The following PCDH15 variants were observed in gnomAD, a reference collection of about 807,000 sequenced individuals.
PCDH15 encodes protocadherin related 15, also known as protocadherin-15.
PCDH15 carries 129 observed loss-of-function variants against 178.5 expected under a neutral mutation model. The ratio of observed to expected loss-of-function variants is 0.72; its 90% CI spans 0.63 to 0.84. The LOEUF (loss-of-function observed/expected upper bound fraction) is 0.84. PCDH15 is among the 40% of genes least tolerant of loss of function. The pLI is 0.00. For synonymous variants in PCDH15, 800 were observed against 732.0 expected (o/e 1.09, Z -1.50); for missense variants, 2,230 against 2,099.9 (o/e 1.06, Z -1.21).
intron 2 of PCDH15, among the ~76,000 whole-genome samples, chr10:54,540,999 G>A (rs181514906): frequency 6.6e-6 from 1 of 151,984 alleles, no homozygotes; most frequent in South Asian, 2.1e-4. Context: ...TGTATCAAGG[G>A]AACATATCTC....
intron 1 of PCDH15, among the ~76,000 whole-genome samples, chr10:55,314,014 A>G (rs1466727899): frequency 6.6e-6 from 1 of 151,950 alleles, no homozygotes; most frequent in Non-Finnish European, 1.5e-5. Flanking sequence ...AGGGTAAAGC[A>G]AATTTAGGCT....
At chr10:54,737,433 G>A (rs758147449) in intron 1 of PCDH15, among the ~76,000 whole-genome samples, 4 of 152,128 alleles carry the variant, frequency 2.6e-5, no homozygotes, top group Non-Finnish European at 5.9e-5. Context: ...GGAAAGGTAA[G>A]AGTGAATGCT....
intron 3 of PCDH15, among the ~76,000 whole-genome samples, chr10:54,401,700 T>C (rs542904193): frequency 6.6e-6 from 1 of 152,034 alleles, no homozygotes; most frequent in East Asian, 1.9e-4. Flanking sequence ...TAAAATCTCC[T>C]CATGTAATGT....
intron 3 of PCDH15, among the ~76,000 whole-genome samples, chr10:54,515,352 T>C (rs1295919686): frequency 6.6e-6 from 1 of 152,200 alleles, no homozygotes; most frequent in Admixed American, 6.5e-5. Context: ...CGGAGGGTCC[T>C]ATGCCCATGG....
At chr10:55,170,575 G>A (rs1036315543) in intron 1 of PCDH15, among the ~76,000 whole-genome samples, 2 of 152,034 alleles carry the variant, frequency 1.3e-5, no homozygotes, top group Admixed American at 1.3e-4. Flanking sequence ...ATATGTACAG[G>A]GCACACTGGT....
At chr10:54,195,305 A>T (rs1265841192) in intron 11 of PCDH15, among the ~76,000 whole-genome samples, 1 of 152,176 alleles carries the variant, frequency 6.6e-6, no homozygotes, top group East Asian at 1.9e-4. Context: ...AGTCTCTGAG[A>T]ATCACAATCT....
chr10:54,863,037 C>T (rs1241190625), intron 3 of PCDH15, among the ~76,000 whole-genome samples: 2 of 152,096 alleles, frequency 1.3e-5, no homozygotes, highest in Non-Finnish European at 2.9e-5. Context: ...TATTTATTTT[C>T]TAACATCCCA....
chr10:54,801,359 G>A (rs1952639031), upstream of PCDH15: 1 of 152,208 alleles, frequency 6.6e-6, no homozygotes, highest in African/African-American at 2.4e-5. Context: ...GGAGACAGCT[G>A]AGTGCGCTAA....
In PCDH15 at chr10:54,599,012, G is replaced by A. The variant is rs144957397; in HGVS notation, c.91+65160C>T. 6.6e-5 allele frequency among the ~76,000 whole-genome samples: 10 copies of A among 152,122 alleles called. No individual in the cohort carries two copies. In the East Asian group the frequency reaches 1.7e-3, roughly 26 times the overall value. ...ATTTAAAAAAAAATTCTATGCTCATGGATAGGAAGATTCAATATGGTTAAA... is the reference window on the plus strand; with the variant it reads ...ATTTAAAAAAAAATTCTATGCTCATAGATAGGAAGATTCAATATGGTTAAA... On this transcript the variant is annotated intron_variant, in intron 2 of 37. Coordinates refer to ENST00000644397, the MANE Select transcript of PCDH15 (RefSeq NM_001384140.1).
chr10:54,806,628 C>T (rs1952782471), intron 3 of PCDH15, among the ~76,000 whole-genome samples: 4 of 151,628 alleles, frequency 2.6e-5, no homozygotes, highest in East Asian at 2.0e-4. Context: ...GGATTACAGG[C>T]ACCCGCCACT....
intron 2 of PCDH15, chr10:55,599,748 C>G: frequency 2.4e-6 from 1 of 413,426 alleles, no homozygotes; most frequent in Non-Finnish European, 4.3e-6. Flanking sequence ...GAACTCGGCA[C>G]ATTTCACCCC....
chr10:54,929,745 T>G (rs1837722063), intron 2 of PCDH15, among the ~76,000 whole-genome samples: 1 of 152,144 alleles, frequency 6.6e-6, no homozygotes, highest in East Asian at 1.9e-4. Flanking sequence ...GAAAATGTGT[T>G]GTCAGTGAAT....
At chr10:53,958,973 C>T (rs149905432) in intron 23 of PCDH15, among the ~76,000 whole-genome samples, 1,554 of 91,146 alleles carry the variant, frequency 0.017, 41 homozygotes, top group African/African-American at 0.066. Context: ...AGCAAGACTC[C>T]ATCTCAAAAA....
intron 2 of PCDH15, among the ~76,000 whole-genome samples, chr10:55,140,012 G>T (rs114755266): frequency 0.017 from 2,579 of 151,904 alleles, 76 homozygotes; most frequent in African/African-American, 0.059. Flanking sequence ...CCTAAGAAAA[G>T]AATTTTCTTA....
chr10:54,958,031 G>A (rs1838535556), intron 2 of PCDH15, among the ~76,000 whole-genome samples: 2 of 151,714 alleles, frequency 1.3e-5, no homozygotes, highest in Admixed American at 6.6e-5. Context: ...ATCTACATTA[G>A]CAAACTTTGC....
rs555703644 is a variant in PCDH15 at position 53,956,309 on chromosome 10, A to G, written c.3122+3423T>C. On this transcript the variant is annotated intron_variant, in intron 23 of 37. Transcript: ENST00000644397. ...TGTAATCCAGCTATATGCCCGTGAG[A>G]AAAAGGATTTAGGAGGCATCCAGAT... Among the ~76,000 whole-genome samples the G allele has an allele frequency of 2.4e-4, 36 of 152,142 alleles. 1 individual carries two copies. The highest frequency in any genetic ancestry group is 4.3e-4 in the Non-Finnish European group (29 of 68,000).
chr10:54,691,499 C>T (rs1022426014), intron 1 of PCDH15, among the ~76,000 whole-genome samples: 2 of 151,756 alleles, frequency 1.3e-5, no homozygotes, highest in Non-Finnish European at 1.5e-5. Context: ...CCTTTTGCAC[C>T]AGTGCATTAA....
intron 3 of PCDH15, among the ~76,000 whole-genome samples, chr10:54,403,199 G>A (rs929353087): frequency 6.6e-6 from 1 of 151,924 alleles, no homozygotes; most frequent in Non-Finnish European, 1.5e-5. Flanking sequence ...CCAGAGCAAG[G>A]ACCTAGCTCT....
intron 2 of PCDH15, among the ~76,000 whole-genome samples, chr10:55,441,739 A>C (rs1397486373): frequency 6.6e-6 from 1 of 152,200 alleles, no homozygotes; most frequent in Admixed American, 6.5e-5. Flanking sequence ...AAAATATATG[A>C]CAATCTCCTA....
Sources: gnomAD v4.1 joint callset for allele counts (sites outside exome capture counted in the v4.1 genomes callset) on GRCh38, gnomAD v4.1.1 for gene constraint, MANE v1.5 for transcripts, NCBI Gene and HGNC (gene_info 2026-07-23, HGNC 2026-07-21) for gene names.